The following FAN1 variants were observed in gnomAD, a reference collection of about 807,000 sequenced individuals.
FAN1 encodes the protein FANCD2 and FANCI associated nuclease 1, also known as fanconi-associated nuclease 1.
In FAN1, 91 loss-of-function variants were observed where a neutral mutation model predicts 104.9. The ratio of observed to expected loss-of-function variants is 0.87; its 90% CI spans 0.73 to 1.03. The LOEUF (loss-of-function observed/expected upper bound fraction) is 1.03, where lower values mean the gene tolerates loss of function less well. Among genes scored for constraint, FAN1 ranks in the 50% least tolerant of loss-of-function variants. The pLI, the probability that FAN1 is intolerant of heterozygous loss-of-function variation, is 0.00. For synonymous variants in FAN1, 478 were observed against 457.6 expected (o/e 1.04, Z -0.57); for missense variants, 1,263 against 1,239.9 (o/e 1.02, Z -0.28).
At position 30,941,648 on chromosome 15, in the gene FAN1, T is replaced by C. The variant is rs373010409; in HGVS notation, c.*86T>C. ...GTCGGTGTGGTGAGGGCCGCTGGCG[T>C]TGAAGTACATCCTGCTCTGGCCCAG... On this transcript the variant is annotated 3_prime_UTR_variant, in exon 15 of 15. Coordinates refer to ENST00000362065, the MANE Select transcript of FAN1 (RefSeq NM_014967.5). 9 of 1,611,572 alleles carry C rather than the reference T, an allele frequency of 5.6e-6. No homozygotes were observed. The highest frequency in any genetic ancestry group is 7.6e-6 in the Non-Finnish European group (9 of 1,178,922).
At chr15:30,941,109 T>G in intron 14 of FAN1, 1 of 1,240,416 alleles carries the variant, frequency 8.1e-7, no homozygotes, top group Non-Finnish European at 1.0e-6. Flanking sequence ...AAACACAAAT[T>G]TCCTAACTTT....
chr15:30,932,716 C>CTTTTTTTTTTTTTTT (rs60673122), intron 13 of FAN1, among the ~76,000 whole-genome samples: 1 of 134,378 alleles, frequency 7.4e-6, no homozygotes, highest in Non-Finnish European at 1.6e-5. Flanking sequence ...TGTTTCTTTT[C>CTTTTTTTTTTTTTTT]TTTTTTTTTT....
Position 30,942,865 on chromosome 15 carries a change from T to C in FAN1, c.*1303T>C, listed in dbSNP as rs1566944459. 6.5e-7 allele frequency: 1 copy of C among 1,543,318 alleles called. No individual in the cohort carries two copies. Among genetic ancestry groups the C allele is most frequent in the South Asian group, 1.2e-5 (1 of 82,576 alleles). ...GTGTTTGGTTACGTGTGAGCCAACA[T>C]CACGTTTTGTTAGCTGTGATTTACC... On this transcript the variant is annotated 3_prime_UTR_variant, in exon 15 of 15. Coordinates refer to ENST00000362065, the MANE Select transcript of FAN1 (RefSeq NM_014967.5).
intron 9 of FAN1, 90 bp downstream of exon 9, chr15:30,925,381 G>C (rs2062434538): frequency 2.4e-6 from 3 of 1,250,846 alleles, no homozygotes; most frequent in Non-Finnish European, 3.3e-6. Context: ...TTTTGAGTGT[G>C]TGTTTTCTTT....
At position 30,941,815 on chromosome 15, in the gene FAN1, G is replaced by C. The variant is rs760607329; in HGVS notation, c.*253G>C. On this transcript the variant is annotated 3_prime_UTR_variant, in exon 15 of 15. Transcript: ENST00000362065. ...GGCTGATCTGGGCCTCGGGAACCCA[G>C]CGGAAGTAGCACAGTTTCCACAGTT... The C allele has an allele frequency of 1.3e-5, 21 of 1,613,954 alleles. No homozygotes were observed. Among genetic ancestry groups the C allele is most frequent in the Non-Finnish European group, 1.7e-5 (20 of 1,179,916 alleles).
intron 7 of FAN1, among the ~76,000 whole-genome samples, chr15:30,920,925 A>G (rs1193460480): frequency 6.6e-6 from 1 of 152,192 alleles, no homozygotes; most frequent in East Asian, 1.9e-4. Context: ...CTGGGACTAC[A>G]GGCGTGCGCC....
chr15:30,916,085 A>C (rs1204348786), intron 5 of FAN1, among the ~76,000 whole-genome samples: 1 of 152,176 alleles, frequency 6.6e-6, no homozygotes, highest in Non-Finnish European at 1.5e-5. Flanking sequence ...TCAGTATCTT[A>C]TTTGTGTTCA....
In FAN1 at chr15:30,915,338, A is replaced by T. The variant is rs556674736; in HGVS notation, c.1811+1247A>T. Among the ~76,000 whole-genome samples the T allele has an allele frequency of 1.1e-4, 17 of 152,312 alleles. No homozygotes were observed. The South Asian group carries it at 2.7e-3, about 24-fold the overall frequency. On this transcript the variant is annotated intron_variant, in intron 5 of 14. Transcript: ENST00000362065. ...TAGGGAAAGGTTGGTTAACAGATAC[A>T]AAAGTGCAGCTAGGTAGAAGGAATA... is the stretch of plus-strand genomic sequence containing the variant.
intron 6 of FAN1, among the ~76,000 whole-genome samples, chr15:30,919,002 A>AT (rs1482332515): frequency 6.6e-6 from 1 of 152,228 alleles, no homozygotes; most frequent in Non-Finnish European, 1.5e-5. Context: ...TACATAGTCA[A>AT]TTAACACACA....
intron 13 of FAN1, among the ~76,000 whole-genome samples, chr15:30,934,082 T>C (rs1308177619): frequency 6.6e-6 from 1 of 152,176 alleles, no homozygotes; most frequent in African/African-American, 2.4e-5. Context: ...ATTTGCTTCA[T>C]GTATTTTGAA....
chr15:30,937,453 T>C (rs1204998272), intron 14 of FAN1, among the ~76,000 whole-genome samples, 194 bp downstream of exon 14: 2 of 142,870 alleles, frequency 1.4e-5, no homozygotes, highest in African/African-American at 5.3e-5. Context: ...TAAACTTTTT[T>C]TTTTTTTTTT....
intron 14 of FAN1, chr15:30,940,838 TATCTGCAGCAAATGCTTTAA>T: frequency 1.0e-6 from 1 of 989,140 alleles, no homozygotes; most frequent in South Asian, 4.6e-5. Flanking sequence ...TAAGTTTAAT[TATCTGCAGCAAATGCTTTAA>T]AATTAACAGT....
At chr15:30,921,827 C>G (rs1315772682) in intron 7 of FAN1, among the ~76,000 whole-genome samples, 2 of 152,190 alleles carry the variant, frequency 1.3e-5, no homozygotes, top group East Asian at 3.8e-4. Flanking sequence ...CATTACTTTC[C>G]TGCCCACCCC....
chr15:30,939,441 C>A, intron 14 of FAN1: 1 of 985,476 alleles, frequency 1.0e-6, no homozygotes, highest in Non-Finnish European at 1.2e-6. Context: ...AGCAGCTTCA[C>A]CCTGGCCCGA....
chr15:30,910,063 TG>T (rs1450149746), intron 3 of FAN1, among the ~76,000 whole-genome samples: 3 of 152,222 alleles, frequency 2.0e-5, no homozygotes, highest in Admixed American at 6.5e-5. Flanking sequence ...AATAAATATT[TG>T]CTGAATGGAG....
In FAN1 at chr15:30,918,179, G is replaced by A. The variant is rs2062234261; in HGVS notation, c.1827G>A (p.Thr609=). Residue 609 remains threonine (T), a synonymous_variant, in exon 6 of 15, where the codon ACG becomes ACA. Coordinates refer to ENST00000362065, the MANE Select transcript of FAN1 (RefSeq NM_014967.5). ...RDDLIRYAAA[T]HMLSDISSAM... ...TTTCCTCCAGATATGCAGCAGCCAC[G>A]CACATGCTGAGTGACATTTCTTCCG... is the stretch of plus-strand genomic sequence containing the variant. The A allele has an allele frequency of 2.5e-6, 4 of 1,613,800 alleles. No homozygotes were observed. Among genetic ancestry groups the A allele is most frequent in the African/African-American group, 2.7e-5 (2 of 74,880 alleles).
Position 30,942,564 on chromosome 15 carries a change from C to A in FAN1, c.*1002C>A. On this transcript the variant is annotated 3_prime_UTR_variant, in exon 15 of 15. Transcript: ENST00000362065. ...GACAAGAATATAGCAGTCAGGAGGC[C>A]ATGACTACATCACAGCCAGGCGGCA... The A allele has an allele frequency of 2.8e-6, 1 of 356,256 alleles. No homozygotes were observed. 22.1% of individuals were successfully genotyped at this position (356,256 alleles called of 1,614,324 possible). A position where few individuals can be genotyped will look rare whatever the true frequency, so the allele number is the denominator to read the frequency against.
Position 30,941,788 on chromosome 15 carries a change from C to A in FAN1, c.*226C>A. On this transcript the variant is annotated 3_prime_UTR_variant, in exon 15 of 15. Transcript: ENST00000362065. ...TGTGAAAGGCTGTGATGGAGCCACC[C>A]AGGCTGATCTGGGCCTCGGGAACCC... The A allele has an allele frequency of 6.2e-7, 1 of 1,614,036 alleles. No individual in the cohort carries two copies. The highest frequency in any genetic ancestry group is 8.5e-7 in the Non-Finnish European group (1 of 1,179,890).
chr15:30,939,498 A>T (rs1371086390), intron 14 of FAN1: 5 of 983,920 alleles, frequency 5.1e-6, no homozygotes, highest in Non-Finnish European at 6.0e-6. Flanking sequence ...AATAAACTGT[A>T]GCACAATAAT....
Sources: gnomAD v4.1 joint callset for allele counts (sites outside exome capture counted in the v4.1 genomes callset) on GRCh38, gnomAD v4.1.1 for gene constraint, MANE v1.5 for transcripts, NCBI Gene and HGNC (gene_info 2026-07-23, HGNC 2026-07-21) for gene names.